The following TNFRSF11B variants were observed in gnomAD, a reference collection of about 807,000 sequenced individuals.
TNFRSF11B encodes the protein tumor necrosis factor receptor superfamily member 11B.
In TNFRSF11B, 16 loss-of-function variants were observed where a neutral mutation model predicts 43.4. The ratio of observed to expected loss-of-function variants is 0.37; its 90% CI spans 0.25 to 0.56. The LOEUF is 0.56. TNFRSF11B is among the 20% of genes least tolerant of loss of function. The pLI, the probability that TNFRSF11B is intolerant of heterozygous loss-of-function variation, is 0.80. For missense variants in TNFRSF11B, 444 were observed against 490.1 expected (o/e 0.91, Z 0.89); for synonymous variants, 185 against 181.8 (o/e 1.02, Z -0.14).
intron 1 of TNFRSF11B, among the ~76,000 whole-genome samples, chr8:118,934,599 G>A (rs778562295): frequency 6.6e-6 from 1 of 152,116 alleles, no homozygotes; most frequent in Non-Finnish European, 1.5e-5. Flanking sequence ...GATCCCCAAA[G>A]GTCTTCCAGG....
chr8:118,934,417 C>A (rs7010267), intron 1 of TNFRSF11B, among the ~76,000 whole-genome samples: 57,904 of 152,042 alleles, frequency 0.38, 11,687 homozygotes, highest in Non-Finnish European at 0.45. Flanking sequence ...AGTAAATTAA[C>A]TGACCACATC....
intron 1 of TNFRSF11B, among the ~76,000 whole-genome samples, chr8:118,949,785 A>T (rs1254092716): frequency 1.3e-5 from 2 of 152,244 alleles, no homozygotes; most frequent in Non-Finnish European, 2.9e-5. Flanking sequence ...CCTGATGCCT[A>T]GTGCCAGTGG....
chr8:118,945,826 C>T (rs1278273627), intron 1 of TNFRSF11B, among the ~76,000 whole-genome samples: 2 of 152,084 alleles, frequency 1.3e-5, no homozygotes, highest in African/African-American at 4.8e-5. Context: ...AGATGAGTCA[C>T]TGTCTTGTCT....
chr8:118,927,829 A>G lies in TNFRSF11B; in HGVS notation c.592+909T>C, dbSNP rs189196220. The stretch of plus-strand genomic sequence containing the variant: ...AGATTAGTCTAGTGGTGGGAGTGAC[A>G]AGGTGAACACACACACTAGCCTGAT... On this transcript the variant is annotated intron_variant, in intron 3 of 4. Coordinates refer to ENST00000297350, the MANE Select transcript of TNFRSF11B (RefSeq NM_002546.4). Among the ~76,000 whole-genome samples the G allele has an allele frequency of 8.5e-5, 13 of 152,198 alleles. No homozygotes were observed. In the East Asian group the frequency reaches 2.5e-3, roughly 29 times the overall value.
At position 118,924,900 on chromosome 8, in the gene TNFRSF11B, A is replaced by T; in HGVS notation, c.818-138T>A. ...ATGATAACCTTTTCTTTTGAGAGGG[A>T]GTTAAGTGACACCATTTATTTCTAA... On this transcript the variant is annotated intron_variant, in intron 4 of 4. Coordinates refer to ENST00000297350, the MANE Select transcript of TNFRSF11B (RefSeq NM_002546.4). The T allele has an allele frequency of 6.8e-6, 7 of 1,029,376 alleles. No homozygotes were observed. In the South Asian group the frequency reaches 1.0e-4, roughly 15 times the overall value. The allele number at this position is 1,029,376 out of a possible 1,614,324, so 63.8% of individuals were successfully genotyped here.
At chr8:118,926,985 G>A (rs899055708) in intron 3 of TNFRSF11B, among the ~76,000 whole-genome samples, 1 of 152,236 alleles carries the variant, frequency 6.6e-6, no homozygotes, top group Middle Eastern at 3.4e-3. Context: ...AAATATTGTT[G>A]TAAATAAGTA....
chr8:118,926,273 T>TGC (rs1292399047), intron 4 of TNFRSF11B, among the ~76,000 whole-genome samples: 4 of 152,158 alleles, frequency 2.6e-5, no homozygotes, highest in Non-Finnish European at 4.4e-5. Context: ...TCAACATACT[T>TGC]TACAAGGAAA....
At chr8:118,930,961 C>T (rs959351681) in intron 2 of TNFRSF11B, among the ~76,000 whole-genome samples, 7 of 152,116 alleles carry the variant, frequency 4.6e-5, no homozygotes, top group African/African-American at 1.7e-4. Flanking sequence ...AAAGATCTAT[C>T]CATCTAAGTA....
rs936839707 is a variant in TNFRSF11B, at chr8:118,926,711, G to A, written c.600C>T (p.Thr200=). Residue 200 remains threonine, a synonymous_variant, in exon 4 of 5, where the codon ACC becomes ACT. Transcript: ENST00000297350. ...ACCTGAAGAATGCCTCCTCACACAGGGTAACATCTAAAGAAAGGTTAGAAA... is the reference window on the plus strand; with the variant it reads ...ACCTGAAGAATGCCTCCTCACACAGAGTAACATCTAAAGAAAGGTTAGAAA... ...ESTQKCGIDV[T]LCEEAFFRFA... is the part of the protein sequence containing the mutation. 6.2e-7 allele frequency: 1 copy of A among 1,613,228 alleles called. No individual in the cohort carries two copies. The highest frequency in any genetic ancestry group is 8.5e-7 in the Non-Finnish European group (1 of 1,179,612).
At chr8:118,941,451 A>G (rs570599240) in intron 1 of TNFRSF11B, among the ~76,000 whole-genome samples, 1 of 152,334 alleles carries the variant, frequency 6.6e-6, no homozygotes, top group Non-Finnish European at 1.5e-5. Flanking sequence ...ATTATGATTT[A>G]TTAGATGAGT....
At chr8:118,926,811 T>C (rs934906746) in intron 3 of TNFRSF11B, 93 bp from the exon 4 acceptor site, 1 of 1,209,658 alleles carries the variant, frequency 8.3e-7, no homozygotes, top group African/African-American at 1.5e-5. Flanking sequence ...ACCAACACAA[T>C]TGAATTTTCC....
At chr8:118,944,179 T>C (rs1812527406) in intron 1 of TNFRSF11B, among the ~76,000 whole-genome samples, 1 of 152,144 alleles carries the variant, frequency 6.6e-6, no homozygotes, top group Admixed American at 6.6e-5. Context: ...ACCATCTAAC[T>C]GGCTTAAAAA....
intron 1 of TNFRSF11B, among the ~76,000 whole-genome samples, chr8:118,943,548 T>TAGTATAGTATA: frequency 6.6e-6 from 1 of 152,130 alleles, no homozygotes; most frequent in South Asian, 2.1e-4. Flanking sequence ...GAAAAATTTC[T>TAGTATAGTATA]CAGCTGGGTA....
At position 118,947,243 on chromosome 8, in the gene TNFRSF11B, CAT is replaced by C. The variant is rs1812577608; in HGVS notation, c.30+4547_30+4548del. 9.9e-5 allele frequency among the ~76,000 whole-genome samples: 3 copies of C among 30,226 alleles called. No homozygotes were observed. In the African/African-American group the frequency reaches 1.1e-3, roughly 11 times the overall value. 19.8% of individuals were successfully genotyped at this position (30,226 alleles called of 152,430 possible). Reference sequence around the variant, plus strand: ...GTAAGCTAAATTCTGTTGGAACATCCATGGAAATTGCCAGTGGCAGTAAGCTA... The same window carrying C: ...GTAAGCTAAATTCTGTTGGAACATCCGGAAATTGCCAGTGGCAGTAAGCTA... On this transcript the variant is annotated intron_variant, in intron 1 of 4. Coordinates refer to ENST00000297350, the MANE Select transcript of TNFRSF11B (RefSeq NM_002546.4).
Position 118,924,774 on chromosome 8 carries a change from A to G in TNFRSF11B, c.818-12T>C. 6.2e-7 allele frequency: 1 copy of G among 1,614,048 alleles called. No homozygotes were observed. Among genetic ancestry groups the G allele is most frequent in the East Asian group, 2.2e-5 (1 of 44,888 alleles). ...ACAGAGGTCAATATCTGCATAAAGC[A>G]AAAGCCCAGATAAGTGTTCACATCA... On this transcript the variant is annotated splice_polypyrimidine_tract_variant and intron_variant, in intron 4 of 4. Coordinates refer to ENST00000297350, the MANE Select transcript of TNFRSF11B (RefSeq NM_002546.4).
chr8:118,941,682 A>G (rs1812488172), intron 1 of TNFRSF11B, among the ~76,000 whole-genome samples: 1 of 151,772 alleles, frequency 6.6e-6, no homozygotes. Flanking sequence ...GGGGAATTTT[A>G]TAGACAATTA....
intron 2 of TNFRSF11B, chr8:118,930,665 A>G: frequency 2.4e-6 from 1 of 412,712 alleles, no homozygotes. Context: ...GCCCGCCTTG[A>G]CCTCTCAAAC....
intron 1 of TNFRSF11B, among the ~76,000 whole-genome samples, chr8:118,950,499 A>G (rs1449836897): frequency 6.6e-6 from 1 of 152,250 alleles, no homozygotes; most frequent in African/African-American, 2.4e-5. Flanking sequence ...TGTTCTGGCC[A>G]TAGACACAGT....
At chr8:118,924,912 C>A (rs1812228119) in intron 4 of TNFRSF11B, 150 bp from the exon 5 acceptor site, 1 of 912,048 alleles carries the variant, frequency 1.1e-6, no homozygotes, top group Non-Finnish European at 1.7e-6. Flanking sequence ...TTAAGTGACA[C>A]CATTTATTTC....
Sources: allele counts gnomAD v4.1 joint callset (sites outside exome capture counted in the v4.1 genomes callset), GRCh38; gene constraint gnomAD v4.1.1; transcripts MANE v1.5; gene names NCBI Gene and HGNC (gene_info 2026-07-23, HGNC 2026-07-21).